The following ROBO2 variants were observed in gnomAD, a reference collection of about 807,000 sequenced individuals.
ROBO2 encodes roundabout homolog 2.
In ROBO2, 53 loss-of-function variants were observed where a neutral mutation model predicts 160.8. The ratio of observed to expected loss-of-function variants is 0.33; its 90% confidence interval spans 0.26 to 0.41. ROBO2 has a LOEUF of 0.41. ROBO2 is among the 10% of genes least tolerant of loss of function. ROBO2 has a pLI of 1.00. For missense variants in ROBO2, 1,577 were observed against 1,722.4 expected (o/e 0.92, Z 1.49); for synonymous variants, 664 against 611.7 (o/e 1.09, Z -1.26).
chr3:76,041,458 C>G (rs1029791738), intron 2 of ROBO2, among the ~76,000 whole-genome samples: 1 of 152,034 alleles, frequency 6.6e-6, no homozygotes, highest in African/African-American at 2.4e-5. Context: ...CCTGTCTAAT[C>G]ACAGAACTCT....
chr3:76,141,049 C>T lies in ROBO2; in HGVS notation c.109+203447C>T, dbSNP rs1371341011. Among the ~76,000 whole-genome samples the T allele has an allele frequency of 3.2e-4, 7 of 22,056 alleles. No homozygotes were observed. The East Asian group carries it at 9.4e-3, about 30-fold the overall frequency. 14.5% of individuals were successfully genotyped at this position (22,056 alleles called of 152,430 possible). On this transcript the variant is annotated intron_variant, in intron 2 of 26. Coordinates refer to the ROBO2 transcript ENST00000487694. ...TGTACACACACACACACACAGATGT[C>T]TTTTTACATACATATATATATATAT...
At chr3:76,965,783 G>GTATATATATA (rs1392105349) in intron 2 of ROBO2, among the ~76,000 whole-genome samples, 1 of 68,018 alleles carries the variant, frequency 1.5e-5, no homozygotes, top group Non-Finnish European at 2.6e-5. Context: ...TATTGTGTTT[G>GTATATATATA]TGTATATATA....
chr3:76,952,094 C>A (rs1258106455), intron 2 of ROBO2, among the ~76,000 whole-genome samples: 1 of 152,108 alleles, frequency 6.6e-6, no homozygotes, highest in African/African-American at 2.4e-5. Flanking sequence ...GCATGTGAGA[C>A]TGATGACTTT....
At chr3:77,033,394 C>A (rs1432830988) in intron 2 of ROBO2, among the ~76,000 whole-genome samples, 1 of 152,086 alleles carries the variant, frequency 6.6e-6, no homozygotes, top group African/African-American at 2.4e-5. Flanking sequence ...GGTTTTCATC[C>A]TTTTTTGATA....
At chr3:77,435,495 C>T (rs944078564) in intron 2 of ROBO2, among the ~76,000 whole-genome samples, 20 of 151,930 alleles carry the variant, frequency 1.3e-4, no homozygotes, top group African/African-American at 4.1e-4. Context: ...GTTTTGAATA[C>T]AGGTTTAACA....
intron 9 of ROBO2, among the ~76,000 whole-genome samples, chr3:77,559,729 C>T (rs79708722): frequency 0.018 from 2,723 of 152,072 alleles, 40 homozygotes; most frequent in Non-Finnish European, 0.025. Context: ...ATCATACAGA[C>T]GTATATCAGA....
At chr3:76,317,553 G>A (rs1321619232) in intron 2 of ROBO2, among the ~76,000 whole-genome samples, 1 of 152,120 alleles carries the variant, frequency 6.6e-6, no homozygotes, top group Non-Finnish European at 1.5e-5. Context: ...GCAAAATGCA[G>A]AGTGTTCTTT....
intron 2 of ROBO2, among the ~76,000 whole-genome samples, chr3:76,609,945 C>T (rs762061607): frequency 1.3e-5 from 2 of 152,092 alleles, no homozygotes; most frequent in Non-Finnish European, 2.9e-5. Flanking sequence ...TTTTCAGCAT[C>T]AATTGAAATG....
intron 6 of ROBO2, among the ~76,000 whole-genome samples, chr3:77,540,446 G>A (rs2092406356): frequency 6.6e-6 from 1 of 151,048 alleles, no homozygotes. Flanking sequence ...AGTCAAACCT[G>A]TCCTCCAATC....
At chr3:76,316,701 A>G (rs2072061470) in intron 2 of ROBO2, among the ~76,000 whole-genome samples, 1 of 152,360 alleles carries the variant, frequency 6.6e-6, no homozygotes, top group Middle Eastern at 3.4e-3. Flanking sequence ...TTGGGAACTG[A>G]TAAATGTCTA....
intron 2 of ROBO2, among the ~76,000 whole-genome samples, chr3:76,837,406 A>T (rs2067798709): frequency 6.6e-6 from 1 of 151,942 alleles, no homozygotes; most frequent in Admixed American, 6.6e-5. Context: ...CATGTAAATT[A>T]AAATATTTGT....
chr3:77,318,919 A>T (rs936749137), intron 2 of ROBO2, among the ~76,000 whole-genome samples: 1 of 152,180 alleles, frequency 6.6e-6, no homozygotes, highest in Non-Finnish European at 1.5e-5. Context: ...GCTTTAGTGC[A>T]TTTGAGACTC....
At chr3:76,203,466 C>T (rs528577671) in intron 2 of ROBO2, among the ~76,000 whole-genome samples, 3 of 141,714 alleles carry the variant, frequency 2.1e-5, no homozygotes, top group East Asian at 2.1e-4. Flanking sequence ...CTCAGGCTGT[C>T]GGTTTCCCTG....
Position 77,577,624 on chromosome 3 carries a change from G to T in ROBO2, c.2328+10G>T. 6.2e-7 allele frequency: 1 copy of T among 1,612,982 alleles called. No homozygotes were observed. The highest frequency in any genetic ancestry group is 8.5e-7 in the Non-Finnish European group (1 of 1,179,344). On this transcript the variant is annotated intron_variant, in intron 15 of 25. Transcript: ENST00000461745. ...TATCCAAGAATACAAGGTAGGACCCGGGTGAAGAAGGACAGCTCTCATGTA... is the reference window on the plus strand; with the variant it reads ...TATCCAAGAATACAAGGTAGGACCCTGGTGAAGAAGGACAGCTCTCATGTA...
intron 2 of ROBO2, among the ~76,000 whole-genome samples, chr3:77,118,589 T>G (rs2074429869): frequency 6.6e-6 from 1 of 152,322 alleles, no homozygotes; most frequent in South Asian, 2.1e-4. Flanking sequence ...CCAAGTTTCC[T>G]TTTGATTTTA....
At chr3:77,098,996 T>C (rs2071506636) in intron 2 of ROBO2, among the ~76,000 whole-genome samples, 1 of 152,088 alleles carries the variant, frequency 6.6e-6, no homozygotes, top group Admixed American at 6.5e-5. Context: ...TATAGCTATA[T>C]ATATTTTCTC....
chr3:76,173,942 G>A (rs2073132572), intron 2 of ROBO2, among the ~76,000 whole-genome samples: 1 of 152,146 alleles, frequency 6.6e-6, no homozygotes, highest in African/African-American at 2.4e-5. Context: ...TTGCCACACT[G>A]TCTTCCACAA....
chr3:77,467,189 G>A (rs771172629), intron 2 of ROBO2, among the ~76,000 whole-genome samples: 1 of 152,118 alleles, frequency 6.6e-6, no homozygotes, highest in Non-Finnish European at 1.5e-5. Context: ...AATGAATCCT[G>A]AAATTTGGAT....
At chr3:76,117,310 C>G (rs1028087529) in intron 2 of ROBO2, among the ~76,000 whole-genome samples, 2 of 152,156 alleles carry the variant, frequency 1.3e-5, no homozygotes, top group Non-Finnish European at 2.9e-5. Flanking sequence ...TTTTCACAAA[C>G]AGTGAAGCTG....
Sources: allele counts gnomAD v4.1 joint callset (sites outside exome capture counted in the v4.1 genomes callset), GRCh38; gene constraint gnomAD v4.1.1; transcripts MANE v1.5; gene names NCBI Gene and HGNC (gene_info 2026-07-23, HGNC 2026-07-21).